ZMYM2: variants seen among roughly 807,000 people sequenced by gnomAD.
ZMYM2 encodes the protein zinc finger MYM-type containing 2, also known as zinc finger MYM-type protein 2.
ZMYM2 carries 56 observed loss-of-function variants against 162.8 expected under a neutral mutation model. The observed-to-expected ratio is 0.34, with a 90% confidence interval of 0.28 to 0.43. ZMYM2 has a LOEUF of 0.43. Ranked by LOEUF, ZMYM2 falls within the 20% of genes least tolerant of loss-of-function variation. ZMYM2 has a pLI of 1.00. For missense variants in ZMYM2, 1,275 were observed against 1,621.8 expected (o/e 0.79, Z 3.67); for synonymous variants, 510 against 541.6 (o/e 0.94, Z 0.81).
the ZMYM2 span, among the ~76,000 whole-genome samples, chr13:19,886,066 C>A: frequency 6.8e-6 from 1 of 146,388 alleles, no homozygotes; most frequent in East Asian, 2.0e-4. Flanking sequence ...TCTCTAGGTT[C>A]TATATCCATC....
chr13:20,052,391 T>A, intron 14 of ZMYM2, 80 bp downstream of exon 14: 3 of 1,335,756 alleles, frequency 2.2e-6, no homozygotes, highest in Non-Finnish European at 3.0e-6. Context: ...TTTAATGTGA[T>A]CATAATAGTA....
intron 2 of ZMYM2, among the ~76,000 whole-genome samples, chr13:19,976,972 T>C (rs1349614968): frequency 6.6e-6 from 1 of 152,238 alleles, no homozygotes; most frequent in African/African-American, 2.4e-5. Flanking sequence ...TAAGTATCTG[T>C]ATGTTTAGAA....
At chr13:20,060,357 A>G (rs1157784613) in intron 16 of ZMYM2, among the ~76,000 whole-genome samples, 2 of 152,090 alleles carry the variant, frequency 1.3e-5, no homozygotes, top group Non-Finnish European at 2.9e-5. Context: ...TGTGCATATT[A>G]AGTTTATATT....
intron 7 of ZMYM2, among the ~76,000 whole-genome samples, chr13:20,021,547 A>G (rs1249157470): frequency 6.6e-6 from 1 of 152,110 alleles, no homozygotes; most frequent in East Asian, 1.9e-4. Context: ...CTTGCTTTTA[A>G]GTTTTTGAAA....
the ZMYM2 span, among the ~76,000 whole-genome samples, chr13:19,866,128 A>G: frequency 1.8e-4 from 28 of 152,132 alleles, no homozygotes; most frequent in African/African-American, 6.3e-4. Context: ...AGGCTGAGGC[A>G]GGAGAATCAC....
At chr13:19,972,811 C>T (rs1016656906) in intron 2 of ZMYM2, among the ~76,000 whole-genome samples, 4 of 151,944 alleles carry the variant, frequency 2.6e-5, no homozygotes, top group Non-Finnish European at 5.9e-5. Flanking sequence ...CCACATTCTT[C>T]CCAACACTGT....
At chr13:20,015,640 A>T (rs1486675379) in intron 6 of ZMYM2, among the ~76,000 whole-genome samples, 3 of 152,048 alleles carry the variant, frequency 2.0e-5, no homozygotes, top group Admixed American at 6.6e-5. Context: ...TAATTTATTT[A>T]AGTGTATTTT....
intron 2 of ZMYM2, 43 bp from the exon 3 acceptor site, chr13:19,993,020 A>G (rs1352504879): frequency 6.6e-7 from 1 of 1,520,370 alleles, no homozygotes; most frequent in Non-Finnish European, 8.8e-7. Context: ...TAACATAAAA[A>G]GTCATACTGA....
chr13:20,019,500 G>T (rs1487083302), intron 6 of ZMYM2, 47 bp from the exon 7 acceptor site: 1 of 1,455,122 alleles, frequency 6.9e-7, no homozygotes, highest in Non-Finnish European at 9.3e-7. Flanking sequence ...CAATGTAGCA[G>T]CTATTCTTTA....
At position 20,060,630 on chromosome 13, in the gene ZMYM2, A is replaced by G. The variant is rs531946650; in HGVS notation, c.2740-423A>G. Among the ~76,000 whole-genome samples, 10 of 152,220 alleles carry G rather than the reference A, an allele frequency of 6.6e-5. No individual in the cohort carries two copies. In the South Asian group the frequency reaches 1.7e-3, roughly 25 times the overall value. On this transcript the variant is annotated intron_variant, in intron 16 of 24. Transcript: ENST00000610343. ...GAGGCGGAGGTTGCAGTGAACTGAG[A>G]TAGCGCCATTGCACTCCAGCCTGGG... is the stretch of plus-strand genomic sequence containing the variant.
At chr13:19,970,617 AAAAAAG>A in intron 2 of ZMYM2, among the ~76,000 whole-genome samples, 2 of 147,682 alleles carry the variant, frequency 1.4e-5, no homozygotes, top group African/African-American at 5.1e-5. Context: ...AAAAAAAAAA[AAAAAAG>A]GGCATCCTCT....
chr13:20,077,346 A>C (rs1032830688), intron 21 of ZMYM2, among the ~76,000 whole-genome samples: 9 of 150,580 alleles, frequency 6.0e-5, no homozygotes, highest in African/African-American at 2.5e-5. Flanking sequence ...TTTATGAGGA[A>C]GTAAAGTTAC....
chr13:20,063,697 G>A (rs1314048017), intron 18 of ZMYM2, among the ~76,000 whole-genome samples: 1 of 149,964 alleles, frequency 6.7e-6, no homozygotes, highest in Admixed American at 6.7e-5. Context: ...AGAATTGCTT[G>A]AACTCAGGAG....
the ZMYM2 span, among the ~76,000 whole-genome samples, chr13:19,920,999 G>A: frequency 6.6e-6 from 1 of 151,366 alleles, no homozygotes; most frequent in African/African-American, 2.4e-5. Flanking sequence ...TCCATCCCTT[G>A]ACCTCATGTT....
intron 2 of ZMYM2, among the ~76,000 whole-genome samples, chr13:19,976,936 T>C (rs1956848830): frequency 6.6e-6 from 1 of 152,214 alleles, no homozygotes; most frequent in African/African-American, 2.4e-5. Flanking sequence ...TAATTTTTGC[T>C]TTAATATATT....
At chr13:19,947,309 C>A in the ZMYM2 span, among the ~76,000 whole-genome samples, 1 of 152,144 alleles carries the variant, frequency 6.6e-6, no homozygotes, top group Non-Finnish European at 1.5e-5. Context: ...ATCTGTCAGC[C>A]TCAGCCTCCC....
intron 12 of ZMYM2, among the ~76,000 whole-genome samples, chr13:20,038,049 G>A (rs886408554): frequency 1.3e-5 from 2 of 152,134 alleles, no homozygotes; most frequent in Non-Finnish European, 2.9e-5. Context: ...TGCAGTATTT[G>A]CTTTTCTTTT....
At chr13:19,999,505 T>A (rs191240840) in intron 3 of ZMYM2, among the ~76,000 whole-genome samples, 5 of 152,332 alleles carry the variant, frequency 3.3e-5, no homozygotes, top group African/African-American at 1.2e-4. Flanking sequence ...TTGTGTGTGT[T>A]CTAACTCTCC....
chr13:19,885,694 A>C, the ZMYM2 span, among the ~76,000 whole-genome samples: 1 of 151,598 alleles, frequency 6.6e-6, no homozygotes, highest in South Asian at 2.1e-4. Context: ...CAAAATTTAC[A>C]AAATTTAGCT....
Sources: gnomAD v4.1 joint callset for allele counts (sites outside exome capture counted in the v4.1 genomes callset) on GRCh38, gnomAD v4.1.1 for gene constraint, MANE v1.5 for transcripts, NCBI Gene and HGNC (gene_info 2026-07-23, HGNC 2026-07-21) for gene names.